Variants in FHIT observed in about 807,000 individuals in gnomAD.
FHIT encodes fragile histidine triad diadenosine triphosphatase, also known as bis(5'-adenosyl)-triphosphatase.
FHIT carries 19 observed loss-of-function variants against 17.9 expected under a neutral mutation model. That is an observed-to-expected ratio of 1.06 (90% CI 0.74 to 1.56). FHIT has a LOEUF of 1.56. Among genes scored for constraint, FHIT ranks in the 40% most tolerant of loss-of-function variants. The pLI, the probability that FHIT is intolerant of heterozygous loss-of-function variation, is 0.00. For synonymous variants in FHIT, 81 were observed against 69.7 expected, an observed-to-expected ratio of 1.16 and a Z score of -0.81; for missense variants, 248 against 189.2, an observed-to-expected ratio of 1.31 and a Z score of -1.82.
At chr3:60,613,957 G>T (rs775006950) in intron 4 of FHIT, among the ~76,000 whole-genome samples, 1 of 152,116 alleles carries the variant, frequency 6.6e-6, no homozygotes, top group Non-Finnish European at 1.5e-5. Flanking sequence ...GATCAACAAA[G>T]TCCAGGAACA....
At chr3:60,812,386 C>T (rs1701597609) in intron 4 of FHIT, among the ~76,000 whole-genome samples, 1 of 152,018 alleles carries the variant, frequency 6.6e-6, no homozygotes, top group Admixed American at 6.6e-5. Flanking sequence ...TCTCGAACTC[C>T]TGGCCTCAAG....
At chr3:61,073,364 A>C (rs149968683) in intron 2 of FHIT, among the ~76,000 whole-genome samples, 1 of 152,222 alleles carries the variant, frequency 6.6e-6, no homozygotes. Context: ...AATGGTATTC[A>C]TAAGAGTCAA....
At chr3:60,468,459 A>T (rs531201365) in intron 5 of FHIT, among the ~76,000 whole-genome samples, 3 of 151,704 alleles carry the variant, frequency 2.0e-5, no homozygotes, top group Non-Finnish European at 4.4e-5. Context: ...TTTTTTCTAG[A>T]TCTGTTTTAA....
chr3:59,752,278 G>C lies in FHIT; in HGVS notation c.392C>G (p.Ser131Ter), dbSNP rs1700955732. ...DKEDFPASWR[S>*]EEEMAAEAAA... ...GGCTTCTGCTGCCATTTCCTCCTCT[G>C]ATCTCCAAGAGGCAGGAAAGTCCTC... Residue 131 changes from serine to a stop codon, truncating the protein, a stop_gained, in exon 9 of 10, where the codon TCA (serine) becomes TGA (stop). Transcript: ENST00000492590. LOFTEE classifies it high-confidence loss of function. The C allele has an allele frequency of 1.2e-6, 2 of 1,612,874 alleles. No homozygotes were observed. The highest frequency in any genetic ancestry group is 1.7e-6 in the Non-Finnish European group (2 of 1,179,500).
At chr3:59,911,087 T>A (rs1296083091) in intron 8 of FHIT, among the ~76,000 whole-genome samples, 3 of 152,340 alleles carry the variant, frequency 2.0e-5, no homozygotes, top group African/African-American at 7.2e-5. Flanking sequence ...TAGGACTAAT[T>A]TGCTTTATTA....
chr3:60,619,600 CAAAAAAAAAAAAAA>C (rs57198487), intron 4 of FHIT, among the ~76,000 whole-genome samples: 38 of 88,682 alleles, frequency 4.3e-4, no homozygotes, highest in African/African-American at 6.4e-4. Context: ...TACCCACATG[CAAAAAAAAAAAAAA>C]AAAAAAAAAA....
At chr3:60,218,917 C>T (rs1267441326) in intron 5 of FHIT, among the ~76,000 whole-genome samples, 1 of 151,962 alleles carries the variant, frequency 6.6e-6, no homozygotes, top group Middle Eastern at 3.2e-3. Context: ...CTTTCTTATC[C>T]TGCTTCTAAA....
At chr3:60,651,683 A>T (rs1213425575) in intron 4 of FHIT, among the ~76,000 whole-genome samples, 1 of 152,160 alleles carries the variant, frequency 6.6e-6, no homozygotes, top group Non-Finnish European at 1.5e-5. Flanking sequence ...CTTTTTTTCC[A>T]AGTATATTTT....
intron 5 of FHIT, among the ~76,000 whole-genome samples, chr3:60,055,259 T>C (rs1702035441): frequency 6.6e-6 from 1 of 152,090 alleles, no homozygotes; most frequent in African/African-American, 2.4e-5. Flanking sequence ...CAGCTTGCAG[T>C]ACAGGGAAGT....
At chr3:60,902,602 T>C (rs964014906) in intron 3 of FHIT, among the ~76,000 whole-genome samples, 1 of 152,196 alleles carries the variant, frequency 6.6e-6, no homozygotes, top group Non-Finnish European at 1.5e-5. Context: ...GACAGAACTA[T>C]TGGTAAGAAG....
chr3:60,992,214 T>C (rs2030286948), intron 3 of FHIT, among the ~76,000 whole-genome samples: 1 of 152,180 alleles, frequency 6.6e-6, no homozygotes, highest in Non-Finnish European at 1.5e-5. Context: ...GGTAACATTA[T>C]AAGGGACCGT....
chr3:59,843,930 C>T (rs769706140), intron 8 of FHIT, among the ~76,000 whole-genome samples: 1 of 152,076 alleles, frequency 6.6e-6, no homozygotes, highest in Non-Finnish European at 1.5e-5. Context: ...GGAAGCAGAA[C>T]TCTAATGGCT....
intron 5 of FHIT, among the ~76,000 whole-genome samples, chr3:60,449,820 T>C (rs528043780): frequency 1.3e-5 from 2 of 151,940 alleles, no homozygotes; most frequent in East Asian, 3.9e-4. Flanking sequence ...CTGGCCAATA[T>C]GGTGAAACCC....
At chr3:60,356,366 A>G (rs1225326467) in intron 5 of FHIT, among the ~76,000 whole-genome samples, 1 of 152,200 alleles carries the variant, frequency 6.6e-6, no homozygotes, top group Non-Finnish European at 1.5e-5. Context: ...ACAATGAGGA[A>G]GAGCATGATC....
At chr3:60,302,698 C>A (rs920675855) in intron 5 of FHIT, among the ~76,000 whole-genome samples, 1 of 152,122 alleles carries the variant, frequency 6.6e-6, no homozygotes, top group East Asian at 1.9e-4. Flanking sequence ...ATTTCACTGA[C>A]GTCTAACACA....
At chr3:60,479,026 T>C (rs1406077198) in intron 5 of FHIT, among the ~76,000 whole-genome samples, 1 of 152,200 alleles carries the variant, frequency 6.6e-6, no homozygotes, top group South Asian at 2.1e-4. Context: ...ACAGCAACAC[T>C]GTAGAACATT....
chr3:60,419,237 T>C (rs1376233439), intron 5 of FHIT, among the ~76,000 whole-genome samples: 1 of 152,224 alleles, frequency 6.6e-6, no homozygotes, highest in Non-Finnish European at 1.5e-5. Context: ...TAAAGTTTCG[T>C]GAGGGTTGTG....
chr3:60,627,613 T>A (rs1655643647), intron 4 of FHIT, among the ~76,000 whole-genome samples: 1 of 152,224 alleles, frequency 6.6e-6, no homozygotes, highest in Non-Finnish European at 1.5e-5. Flanking sequence ...AACCTCTGCC[T>A]CCCAGGTTCA....
chr3:60,495,899 T>C (rs2034281641), intron 5 of FHIT, among the ~76,000 whole-genome samples: 1 of 152,012 alleles, frequency 6.6e-6, no homozygotes, highest in African/African-American at 2.4e-5. Flanking sequence ...AGAAACAGAT[T>C]CACACATTTA....
Sources: gnomAD v4.1 joint callset for allele counts (sites outside exome capture counted in the v4.1 genomes callset) on GRCh38, gnomAD v4.1.1 for gene constraint, MANE v1.5 for transcripts, NCBI Gene and HGNC (gene_info 2026-07-23, HGNC 2026-07-21) for gene names.